ITGA11: variants seen among roughly 807,000 people sequenced by gnomAD.
The protein encoded by ITGA11 is integrin alpha-11.
In ITGA11, 97 loss-of-function variants were observed where a neutral mutation model predicts 141.9. The observed-to-expected ratio is 0.68, with a 90% CI of 0.58 to 0.81. The LOEUF (loss-of-function observed/expected upper bound fraction) is 0.81, where lower values mean the gene tolerates loss of function less well. Among genes scored for constraint, ITGA11 ranks in the 30% least tolerant of loss-of-function variants. The pLI is 0.00. For missense variants in ITGA11, 1,387 were observed against 1,559.2 expected (o/e 0.89, Z 1.86); for synonymous variants, 658 against 624.6 (o/e 1.05, Z -0.80).
chr15:68,339,470 C>T (rs559892567), intron 11 of ITGA11, 30 bp downstream of exon 11: 37 of 1,597,040 alleles, frequency 2.3e-5, no homozygotes, highest in African/African-American at 9.4e-5. Context: ...GCCCACGACC[C>T]GCCAGCCTCC....
rs1893087100 is a variant in ITGA11, at chr15:68,303,243, AC to A, written c.3496-114del. On this transcript the variant is annotated intron_variant, in intron 29 of 29. Coordinates refer to ENST00000315757, the MANE Select transcript of ITGA11 (RefSeq NM_001004439.2). This position sits in a 1 kb window ranked among gnomAD's most constrained non-coding sequence, Gnocchi z 5.3. ...TTCCTCCCTCAGGGCTTCCTTGAGT[AC>A]CCCCAGCTCATTCTGAGCACCCCCT... is the stretch of plus-strand genomic sequence containing the variant. 2.3e-6 allele frequency: 2 copies of A among 868,422 alleles called. No homozygotes were observed. Among genetic ancestry groups the A allele is most frequent in the Non-Finnish European group, 1.8e-6 (1 of 548,968 alleles). 53.8% of individuals were successfully genotyped at this position (868,422 alleles called of 1,614,324 possible).
chr15:68,402,020 G>A (rs192704333), intron 2 of ITGA11, among the ~76,000 whole-genome samples: 1 of 144,362 alleles, frequency 6.9e-6, no homozygotes, highest in East Asian at 2.2e-4. Context: ...CATGTGGCTG[G>A]AGCATTGAAC....
intron 11 of ITGA11, among the ~76,000 whole-genome samples, chr15:68,338,507 G>C (rs1250807523): frequency 6.6e-6 from 1 of 152,050 alleles, no homozygotes; most frequent in African/African-American, 2.4e-5. Context: ...GCCAGGTGCT[G>C]TTGGGAAACT....
At chr15:68,431,289 G>C (rs181440085) in intron 1 of ITGA11, among the ~76,000 whole-genome samples, 1,786 of 152,334 alleles carry the variant, frequency 0.012, 43 homozygotes, top group African/African-American at 0.04. Context: ...TCTAGGCGAC[G>C]GCGGCTTTCC....
chr15:68,368,993 G>A (rs1895508061), intron 3 of ITGA11, among the ~76,000 whole-genome samples, 191 bp downstream of exon 3: 1 of 151,930 alleles, frequency 6.6e-6, no homozygotes. Context: ...CTGTGTGACT[G>A]TGGAAAAGTT....
chr15:68,305,180 C>T lies in ITGA11; in HGVS notation c.3382-1295G>A, dbSNP rs1410505057. ...CTGGCCTCCAGCATGCATGCCATGGCGTGCCTGCTGTAGGCATTGCTATTC... is the reference window on the plus strand; with the variant it reads ...CTGGCCTCCAGCATGCATGCCATGGTGTGCCTGCTGTAGGCATTGCTATTC... On this transcript the variant is annotated intron_variant, in intron 28 of 29. Transcript: ENST00000315757. The surrounding 1 kb of genome is among the most constrained non-coding windows in gnomAD (Gnocchi z 4.6). Among the ~76,000 whole-genome samples, 3 of 152,224 alleles carry T rather than the reference C, an allele frequency of 2.0e-5. No homozygotes were observed. The highest frequency in any genetic ancestry group is 2.9e-5 in the Non-Finnish European group (2 of 68,036).
intron 1 of ITGA11, among the ~76,000 whole-genome samples, chr15:68,424,571 C>T (rs1037528082): frequency 1.3e-5 from 2 of 152,188 alleles, no homozygotes; most frequent in African/African-American, 4.8e-5. Context: ...CACCCTCACC[C>T]AGGATGGAGG....
rs747147009 is a variant in ITGA11 at position 68,332,059 on chromosome 15, G to A, written c.1570C>T (p.Leu524=). The A allele has an allele frequency of 8.7e-5, 139 of 1,589,478 alleles. No homozygotes were observed. Among genetic ancestry groups the A allele is most frequent in the Non-Finnish European group, 1.2e-4 (136 of 1,167,640 alleles). ...KVYVYELRQN[L]FVYNGTLKDS... ...TTTAGCGTTCCGTTATAAACAAACA[G>A]GTTCTGCAAAACCAGGGGCAGAAAA... Residue 524 remains leucine, a synonymous_variant, in exon 14 of 30, where the codon CTG becomes TTG. Coordinates refer to ENST00000315757, the MANE Select transcript of ITGA11 (RefSeq NM_001004439.2).
chr15:68,366,388 C>T (rs755915950), intron 3 of ITGA11, among the ~76,000 whole-genome samples: 13 of 152,176 alleles, frequency 8.5e-5, no homozygotes, highest in Admixed American at 2.6e-4. Flanking sequence ...TAGCCCAGAC[C>T]GTGTGACGTT....
chr15:68,428,553 G>A (rs1897196724), intron 1 of ITGA11, among the ~76,000 whole-genome samples: 1 of 152,196 alleles, frequency 6.6e-6, no homozygotes, highest in African/African-American at 2.4e-5. Context: ...GAAAGATCCA[G>A]AAGCTCCTCA....
chr15:68,387,854 C>T (rs1896023780), intron 2 of ITGA11, among the ~76,000 whole-genome samples: 1 of 152,166 alleles, frequency 6.6e-6, no homozygotes, highest in Non-Finnish European at 1.5e-5. Context: ...AGCACCTCCT[C>T]TGACCCTTCT....
intron 10 of ITGA11, among the ~76,000 whole-genome samples, chr15:68,345,236 A>C (rs1166806697): frequency 6.6e-6 from 1 of 152,200 alleles, no homozygotes; most frequent in South Asian, 2.1e-4. Flanking sequence ...ATTAGCTTAA[A>C]AATGTATTCT....
intron 1 of ITGA11, among the ~76,000 whole-genome samples, chr15:68,413,911 G>A (rs1003196309): frequency 1.3e-5 from 2 of 152,198 alleles, no homozygotes; most frequent in Non-Finnish European, 2.9e-5. Flanking sequence ...AGGAAAGAAC[G>A]AAAGAAAATC....
chr15:68,397,668 A>AATATTTAAAATATTATATTTAAAAT (rs1896347753), intron 2 of ITGA11, among the ~76,000 whole-genome samples: 3 of 87,872 alleles, frequency 3.4e-5, no homozygotes, highest in African/African-American at 1.4e-4. Flanking sequence ...TATATTATAA[A>AATATTTAAAATATTATATTTAAAAT]ATATTTAAAA....
rs577952130 is a variant in ITGA11, at chr15:68,365,086, C to T, written c.266-288G>A. The T allele has an allele frequency of 3.7e-3, 3,562 of 951,308 alleles. 6 individuals carry two copies. The highest frequency in any genetic ancestry group is 4.1e-3 in the Non-Finnish European group (3,306 of 798,916). The allele number at this position is 951,308 out of a possible 1,614,324, so 58.9% of individuals were successfully genotyped here. On this transcript the variant is annotated intron_variant, in intron 3 of 29. Coordinates refer to ENST00000315757, the MANE Select transcript of ITGA11 (RefSeq NM_001004439.2). ...TCCTAGCCCACAGCTTTTCCTCCTC[C>T]AGCCATCCGACTGGAGCCCCACTTC...
At chr15:68,391,487 C>G (rs1896121020) in intron 2 of ITGA11, among the ~76,000 whole-genome samples, 1 of 152,180 alleles carries the variant, frequency 6.6e-6, no homozygotes, top group Non-Finnish European at 1.5e-5. Flanking sequence ...CAGAGTCTGG[C>G]TGGGTTTCTG....
chr15:68,376,743 C>T (rs1483618629), intron 2 of ITGA11, among the ~76,000 whole-genome samples: 2 of 152,226 alleles, frequency 1.3e-5, no homozygotes, highest in Admixed American at 6.5e-5. Flanking sequence ...TCTCATCTAC[C>T]CAAAGGGACT....
At chr15:68,388,638 T>C (rs1005644482) in intron 2 of ITGA11, among the ~76,000 whole-genome samples, 1 of 152,170 alleles carries the variant, frequency 6.6e-6, no homozygotes, top group Non-Finnish European at 1.5e-5. Flanking sequence ...ATGGAATGAA[T>C]GAATGAATTA....
intron 5 of ITGA11, among the ~76,000 whole-genome samples, chr15:68,359,483 TA>T (rs888227970): frequency 6.6e-6 from 1 of 152,070 alleles, no homozygotes; most frequent in Non-Finnish European, 1.5e-5. Context: ...CCGTCTCTAC[TA>T]AAAATACAAA....
Sources: gnomAD v4.1 joint callset for allele counts (sites outside exome capture counted in the v4.1 genomes callset) on GRCh38, gnomAD v4.1.1 for gene constraint, Gnocchi (gnomAD v3.1) non-coding constraint, MANE v1.5 for transcripts, NCBI Gene and HGNC (gene_info 2026-07-23, HGNC 2026-07-21) for gene names.